VPS26A: variants seen among roughly 807,000 people sequenced by gnomAD.
VPS26A encodes VPS26 retromer complex component A, also known as vacuolar protein sorting-associated protein 26A.
Under a neutral mutation model 42.4 loss-of-function variants are expected in VPS26A, and 22 were observed. The ratio of observed to expected loss-of-function variants is 0.52; its 90% CI spans 0.37 to 0.74. The LOEUF (loss-of-function observed/expected upper bound fraction) is 0.74. Ranked by LOEUF, VPS26A falls within the 30% of genes least tolerant of loss-of-function variation. The pLI is 0.00. For synonymous variants in VPS26A, 110 were observed against 123.5 expected (o/e 0.89, Z 0.73); for missense variants, 276 against 379.2 (o/e 0.73, Z 2.26).
At chr10:69,170,987 G>A (rs928824020) in intron 8 of VPS26A, among the ~76,000 whole-genome samples, 169 bp from the exon 9 acceptor site, 12 of 152,154 alleles carry the variant, frequency 7.9e-5, no homozygotes, top group Non-Finnish European at 1.5e-5. Flanking sequence ...AGAGGTAGAA[G>A]GGGCAGTCAA....
intron 2 of VPS26A, among the ~76,000 whole-genome samples, chr10:69,143,743 G>T (rs1159360896): frequency 6.6e-6 from 1 of 152,032 alleles, no homozygotes; most frequent in African/African-American, 2.4e-5. Flanking sequence ...TTGAGACAGG[G>T]TCTTGCTGTG....
intron 1 of VPS26A, among the ~76,000 whole-genome samples, chr10:69,130,343 A>G (rs996411823): frequency 1.3e-4 from 20 of 152,214 alleles, no homozygotes; most frequent in Admixed American, 9.8e-4. Context: ...GGAAGGTCTC[A>G]TGGAGAGGGA....
At chr10:69,134,436 A>G (rs940386522) in intron 2 of VPS26A, among the ~76,000 whole-genome samples, 4 of 152,316 alleles carry the variant, frequency 2.6e-5, no homozygotes, top group African/African-American at 7.2e-5. Flanking sequence ...GTGAGCTGCT[A>G]GGCCAAAATT....
chr10:69,158,956 A>G (rs892909515), intron 5 of VPS26A, among the ~76,000 whole-genome samples: 40 of 152,356 alleles, frequency 2.6e-4, no homozygotes, highest in Admixed American at 2.2e-3. Flanking sequence ...CATTTTATAC[A>G]TGGACTAAGA....
chr10:69,144,736 C>G (rs1841117589), intron 2 of VPS26A, among the ~76,000 whole-genome samples: 1 of 151,060 alleles, frequency 6.6e-6, no homozygotes, highest in African/African-American at 2.4e-5. Flanking sequence ...GACTCTTTTT[C>G]TCTTATTGAT....
chr10:69,157,212 A>T (rs746747337), intron 4 of VPS26A, 49 bp downstream of exon 4: 2 of 1,554,516 alleles, frequency 1.3e-6, no homozygotes, highest in East Asian at 2.3e-5. Context: ...CCAGAAAGTA[A>T]TGACTACTGT....
At chr10:69,148,354 C>G (rs530515489) in intron 2 of VPS26A, among the ~76,000 whole-genome samples, 3 of 152,146 alleles carry the variant, frequency 2.0e-5, no homozygotes, top group South Asian at 2.1e-4. Context: ...TTCCCTGTTG[C>G]AAAAGTCAAC....
intron 1 of VPS26A, among the ~76,000 whole-genome samples, chr10:69,127,264 A>T (rs1015924968): frequency 6.7e-6 from 1 of 150,054 alleles, no homozygotes; most frequent in African/African-American, 2.4e-5. Context: ...CATTTTCGAT[A>T]TGCCCTAATG....
At chr10:69,147,605 A>C (rs1347012557) in intron 2 of VPS26A, among the ~76,000 whole-genome samples, 1 of 152,218 alleles carries the variant, frequency 6.6e-6, no homozygotes, top group Non-Finnish European at 1.5e-5. Context: ...GCAGCAGTCC[A>C]ACTTTATTCT....
intron 3 of VPS26A, 130 bp from the exon 4 acceptor site, chr10:69,156,877 T>A (rs559183900): frequency 5.1e-6 from 4 of 783,034 alleles, no homozygotes; most frequent in African/African-American, 3.5e-5. Context: ...ATTCAGAGCA[T>A]AGGTCTAGTT....
intron 7 of VPS26A, among the ~76,000 whole-genome samples, chr10:69,168,034 A>G (rs1268405399): frequency 6.6e-6 from 1 of 152,220 alleles, no homozygotes; most frequent in African/African-American, 2.4e-5. Context: ...TTCCTTGTGA[A>G]TACTATTGTT....
rs975304521 is a variant in VPS26A, at chr10:69,173,511, A to G, written c.*2242A>G. Among the ~76,000 whole-genome samples, 4 of 152,170 alleles carry G rather than the reference A, an allele frequency of 2.6e-5. No individual in the cohort carries two copies. Among genetic ancestry groups the G allele is most frequent in the African/African-American group, 9.6e-5 (4 of 41,452 alleles). ...GTGGCATGCACCTGTATTTCCAGCT[A>G]TTTAGGAAGCTGAGACAGGAAGATC... On this transcript the variant is annotated 3_prime_UTR_variant, in exon 9 of 9. Coordinates refer to ENST00000263559, the MANE Select transcript of VPS26A (RefSeq NM_004896.5).
chr10:69,157,186 G>A (rs1246876511), intron 4 of VPS26A, 23 bp downstream of exon 4: 1 of 1,582,418 alleles, frequency 6.3e-7, no homozygotes. Context: ...ATTATAAACT[G>A]TAAACAGAAT....
At chr10:69,148,328 G>A (rs75319555) in intron 2 of VPS26A, among the ~76,000 whole-genome samples, 46 of 152,246 alleles carry the variant, frequency 3.0e-4, no homozygotes, top group Admixed American at 4.6e-4. Context: ...GCCACTTAGA[G>A]TGAACTCTGG....
chr10:69,139,276 A>AT (rs772002654), intron 2 of VPS26A, among the ~76,000 whole-genome samples: 58 of 151,784 alleles, frequency 3.8e-4, no homozygotes, highest in Non-Finnish European at 7.5e-4. Context: ...CTTGGCTTAC[A>AT]TTTTTTTGAG....
chr10:69,144,716 C>G (rs189481907), intron 2 of VPS26A, among the ~76,000 whole-genome samples: 151 of 151,218 alleles, frequency 1.0e-3, no homozygotes, highest in African/African-American at 3.5e-3. Context: ...GCTCATTTTT[C>G]TATCTAGTTG....
At chr10:69,151,282 A>AAAACAAAAAACAAAAAACACCC (rs71035063) in intron 2 of VPS26A, among the ~76,000 whole-genome samples, 1 of 136,776 alleles carries the variant, frequency 7.3e-6, no homozygotes, top group African/African-American at 3.3e-5. Flanking sequence ...AAAAAAAAAA[A>AAAACAAAAAACAAAAAACACCC]ACACACACAC....
chr10:69,151,451 C>CA (rs150296063), intron 2 of VPS26A, among the ~76,000 whole-genome samples: 12,001 of 104,984 alleles, frequency 0.11, 1,848 homozygotes, highest in African/African-American at 0.39. Flanking sequence ...GACTCCGTCT[C>CA]AAAAAAAAAA....
At chr10:69,160,181 T>A (rs541994300) in intron 5 of VPS26A, among the ~76,000 whole-genome samples, 2 of 151,992 alleles carry the variant, frequency 1.3e-5, no homozygotes, top group South Asian at 4.2e-4. Flanking sequence ...TTTTTGTTTG[T>A]TTGAGTCTCA....
Sources: allele counts gnomAD v4.1 joint callset (sites outside exome capture counted in the v4.1 genomes callset), GRCh38; gene constraint gnomAD v4.1.1; transcripts MANE v1.5; gene names NCBI Gene and HGNC (gene_info 2026-07-23, HGNC 2026-07-21).